Variants in NCOA1 observed in about 807,000 individuals in gnomAD.
NCOA1 encodes nuclear receptor coactivator 1.
A neutral mutation model predicts 150.9 loss-of-function variants in NCOA1; 35 were observed. The ratio of observed to expected loss-of-function variants is 0.23; its 90% CI spans 0.18 to 0.31. The LOEUF is 0.31. NCOA1 is among the 10% of genes least tolerant of loss of function. The pLI is 1.00. For missense variants in NCOA1, 1,491 were observed against 1,749.3 expected (o/e 0.85, Z 2.63); for synonymous variants, 590 against 630.0 (o/e 0.94, Z 0.95).
In NCOA1 at chr2:24,504,024, T is replaced by C. The variant is rs145173174; in HGVS notation, c.-396+12422T>C. On this transcript the variant is annotated intron_variant, in intron 1 of 22. Coordinates refer to ENST00000348332, the MANE Select transcript of NCOA1 (RefSeq NM_003743.5). ...TTCTGGGATTACAGGCGTGAGCCACTGCGCCTGGCTACTTGTCTCTGTTTT... is the reference window on the plus strand; with the variant it reads ...TTCTGGGATTACAGGCGTGAGCCACCGCGCCTGGCTACTTGTCTCTGTTTT... Among the ~76,000 whole-genome samples, 945 of 152,272 alleles carry C rather than the reference T, an allele frequency of 6.2e-3. 12 individuals are homozygous for C. The highest frequency in any genetic ancestry group is 0.021 in the African/African-American group (867 of 41,552).
chr2:24,755,431 C>T (rs1199935663), intron 20 of NCOA1, among the ~76,000 whole-genome samples: 1 of 152,246 alleles, frequency 6.6e-6, no homozygotes, highest in Non-Finnish European at 1.5e-5. Flanking sequence ...TGACCAGGGA[C>T]TCCCCTGCTT....
In NCOA1 at chr2:24,770,668, T is replaced by C. The variant is rs1665274167; in HGVS notation, c.*2277T>C. The stretch of plus-strand genomic sequence containing the variant: ...TTGCCAAAGCCCAAATTAACGAGTA[T>C]TATAAAAGGATAATAAAGCATCCCT... On this transcript the variant is annotated 3_prime_UTR_variant, in exon 23 of 23. Transcript: ENST00000348332. 5.2e-6 allele frequency: 1 copy of C among 191,746 alleles called. No individual in the cohort carries two copies. The highest frequency in any genetic ancestry group is 2.3e-5 in the African/African-American group (1 of 43,020). The allele number at this position is 191,746 out of a possible 1,614,324, so 11.9% of individuals were successfully genotyped here. A position where few individuals can be genotyped will look rare whatever the true frequency, so the allele number is the denominator to read the frequency against.
intron 3 of NCOA1, among the ~76,000 whole-genome samples, chr2:24,601,248 T>G (rs1269121618): frequency 6.6e-6 from 1 of 152,186 alleles, no homozygotes; most frequent in Non-Finnish European, 1.5e-5. Context: ...AACCTCACTC[T>G]GTCACCCAGG....
At chr2:24,650,562 A>G (rs1670668285) in intron 4 of NCOA1, among the ~76,000 whole-genome samples, 1 of 152,190 alleles carries the variant, frequency 6.6e-6, no homozygotes, top group Non-Finnish European at 1.5e-5. Flanking sequence ...AAGCACTCTT[A>G]TGACTCAATA....
chr2:24,728,510 G>A (rs1262989150), intron 16 of NCOA1, 34 bp downstream of exon 16: 1 of 1,563,304 alleles, frequency 6.4e-7, no homozygotes, highest in East Asian at 2.3e-5. Context: ...TTAACTGATG[G>A]AGCCCTAAGA....
intron 20 of NCOA1, among the ~76,000 whole-genome samples, chr2:24,753,173 A>G (rs146887140): frequency 6.6e-6 from 1 of 152,230 alleles, no homozygotes; most frequent in African/African-American, 2.4e-5. Context: ...TTAGTCTCCT[A>G]ATGTATTCTA....
chr2:24,665,978 A>AT, intron 6 of NCOA1, 63 bp downstream of exon 6: 5 of 952,634 alleles, frequency 5.2e-6, no homozygotes, highest in Non-Finnish European at 2.8e-6. Context: ...ATAATATGTG[A>AT]TTTTACTTTA....
intron 1 of NCOA1, among the ~76,000 whole-genome samples, chr2:24,527,055 G>A (rs1664682217): frequency 6.6e-6 from 1 of 152,118 alleles, no homozygotes; most frequent in Non-Finnish European, 1.5e-5. Flanking sequence ...CTGGGGTGGG[G>A]TCTGGGAACT....
chr2:24,549,580 C>A (rs563078496), intron 1 of NCOA1, among the ~76,000 whole-genome samples: 43 of 152,130 alleles, frequency 2.8e-4, no homozygotes, highest in Non-Finnish European at 4.7e-4. Context: ...TTTCCCTTTT[C>A]TTTTAAGACA....
chr2:24,567,072 T>A (rs1666544618), intron 2 of NCOA1, among the ~76,000 whole-genome samples: 1 of 152,340 alleles, frequency 6.6e-6, no homozygotes, highest in East Asian at 1.9e-4. Flanking sequence ...CTGCTCTAGA[T>A]GGGCCGCTGC....
In NCOA1 at chr2:24,538,021, A is replaced by T. The variant is rs1044940041; in HGVS notation, c.-395-26274A>T. Reference sequence around the variant, plus strand: ...CACACTTATGGAAGTTAAGAAATTTATCTTGCTTCAGTGTTAAGAAATGAC... The same window carrying T: ...CACACTTATGGAAGTTAAGAAATTTTTCTTGCTTCAGTGTTAAGAAATGAC... On this transcript the variant is annotated intron_variant, in intron 1 of 22. Transcript: ENST00000348332. Among the ~76,000 whole-genome samples, 4 of 152,242 alleles carry T rather than the reference A, an allele frequency of 2.6e-5. No individual in the cohort carries two copies. In the South Asian group the frequency reaches 8.3e-4, roughly 32 times the overall value.
At chr2:24,600,392 A>T (rs933619429) in intron 3 of NCOA1, among the ~76,000 whole-genome samples, 8 of 152,114 alleles carry the variant, frequency 5.3e-5, no homozygotes, top group Non-Finnish European at 1.2e-4. Context: ...TTTTTTGTAG[A>T]GATGGGGTCT....
intron 3 of NCOA1, among the ~76,000 whole-genome samples, chr2:24,640,349 T>C (rs1670155311): frequency 6.6e-6 from 1 of 152,218 alleles, no homozygotes; most frequent in South Asian, 2.1e-4. Flanking sequence ...TCATCACTCT[T>C]CTTCAAATCT....
chr2:24,518,166 A>G (rs1440900867), intron 1 of NCOA1, among the ~76,000 whole-genome samples: 1 of 152,194 alleles, frequency 6.6e-6, no homozygotes, highest in East Asian at 1.9e-4. Context: ...TGGGAATGCA[A>G]GATTGGTTTA....
chr2:24,693,851 C>T (rs951238863), intron 10 of NCOA1, among the ~76,000 whole-genome samples: 1 of 151,598 alleles, frequency 6.6e-6, no homozygotes, highest in African/African-American at 2.4e-5. Context: ...GATTCAGTGA[C>T]AAATTGTGTT....
chr2:24,528,973 A>T (rs1049145465), intron 1 of NCOA1, among the ~76,000 whole-genome samples: 1 of 151,712 alleles, frequency 6.6e-6, no homozygotes, highest in Non-Finnish European at 1.5e-5. Context: ...TGCAAGCTCC[A>T]CCTCCCAGGT....
intron 1 of NCOA1, among the ~76,000 whole-genome samples, chr2:24,511,922 G>A (rs1248539387): frequency 1.3e-5 from 2 of 151,842 alleles, no homozygotes; most frequent in African/African-American, 2.4e-5. Context: ...TTACAGTGGG[G>A]ACAAAAGCTC....
chr2:24,634,708 A>ACCCCC (rs530645429), intron 3 of NCOA1, among the ~76,000 whole-genome samples: 326 of 39,740 alleles, frequency 8.2e-3, no homozygotes, highest in Middle Eastern at 0.019. Context: ...TAGGGGAGGA[A>ACCCCC]CCCCCCCCCC....
chr2:24,696,845 T>A (rs1672922560), intron 10 of NCOA1, among the ~76,000 whole-genome samples: 1 of 151,960 alleles, frequency 6.6e-6, no homozygotes, highest in Non-Finnish European at 1.5e-5. Flanking sequence ...GAGTGGTGGG[T>A]TGGCAGGTTT....
Sources: gnomAD v4.1 joint callset for allele counts (sites outside exome capture counted in the v4.1 genomes callset) on GRCh38, gnomAD v4.1.1 for gene constraint, MANE v1.5 for transcripts, NCBI Gene and HGNC (gene_info 2026-07-23, HGNC 2026-07-21) for gene names.